The following CLHC1 variants were observed in gnomAD, a reference collection of about 807,000 sequenced individuals.
CLHC1 encodes the protein clathrin heavy chain linker domain containing 1.
A neutral mutation model predicts 69.5 loss-of-function variants in CLHC1; 72 were observed. The observed-to-expected ratio is 1.04, with a 90% CI of 0.86 to 1.26. The LOEUF (loss-of-function observed/expected upper bound fraction) is 1.26. Ranked by LOEUF, CLHC1 falls within the 50% of genes most tolerant of loss-of-function variation. The probability of loss-of-function intolerance (pLI) is 0.00; values close to 1 mark genes in which losing one functional copy is unlikely to be tolerated. For synonymous variants in CLHC1, 223 were observed against 224.3 expected (o/e 0.99, Z 0.05); for missense variants, 790 against 679.3 (o/e 1.16, Z -1.81).
intron 9 of CLHC1, among the ~76,000 whole-genome samples, chr2:55,194,957 G>A (rs190947352): frequency 6.0e-5 from 9 of 150,618 alleles, no homozygotes; most frequent in East Asian, 3.9e-4. Context: ...TCATTCTGTC[G>A]CCAGTCTGGA....
rs1465414581 is a variant in CLHC1 at position 55,229,934 on chromosome 2, G to A, written c.-255-1730C>T. On this transcript the variant is annotated intron_variant, in intron 1 of 12. Coordinates refer to ENST00000401408, the MANE Select transcript of CLHC1 (RefSeq NM_152385.4). ...GCTAAAAATACAAAATTAGCTGGGC[G>A]TGGTGGCGCATGCCTGTAATCCCAG... 7.9e-5 allele frequency among the ~76,000 whole-genome samples: 12 copies of A among 152,280 alleles called. No homozygotes were observed. The South Asian group carries it at 2.1e-3, about 26-fold the overall frequency.
chr2:55,193,360 C>A (rs1405440792), intron 9 of CLHC1, among the ~76,000 whole-genome samples: 1 of 151,534 alleles, frequency 6.6e-6, no homozygotes, highest in Non-Finnish European at 1.5e-5. Flanking sequence ...GAAAAGACAA[C>A]CCACAGTTGG....
chr2:55,203,739 A>G (rs907269266), intron 9 of CLHC1, among the ~76,000 whole-genome samples: 14 of 152,230 alleles, frequency 9.2e-5, no homozygotes, highest in African/African-American at 3.4e-4. Flanking sequence ...TCTCCAGGAC[A>G]TTGGTCTCGG....
chr2:55,229,275 G>A (rs1161042083), intron 1 of CLHC1, among the ~76,000 whole-genome samples: 1 of 152,004 alleles, frequency 6.6e-6, no homozygotes, highest in Non-Finnish European at 1.5e-5. Flanking sequence ...TAAGGAAGGT[G>A]GGAGGATACC....
At chr2:55,202,697 G>A (rs142841060) in intron 9 of CLHC1, among the ~76,000 whole-genome samples, 1 of 152,020 alleles carries the variant, frequency 6.6e-6, no homozygotes, top group African/African-American at 2.4e-5. Context: ...AGGAGTTCAA[G>A]ACCAGACTGG....
Position 55,212,930 on chromosome 2 carries a change from T to C in CLHC1, c.366-124A>G, listed in dbSNP as rs1322316933. On this transcript the variant is annotated intron_variant, in intron 4 of 12. Coordinates refer to ENST00000401408, the MANE Select transcript of CLHC1 (RefSeq NM_152385.4). ...CCATTATGGACTAGGTGAAATGCCC[T>C]GAAAAAGTTATCTAGCCTCACAAAT... The C allele has an allele frequency of 5.7e-6, 4 of 698,390 alleles. No homozygotes were observed. The African/African-American group carries it at 7.2e-5, about 13-fold the overall frequency. 43.3% of individuals were successfully genotyped at this position (698,390 alleles called of 1,614,324 possible).
chr2:55,198,872 T>G (rs1380049802), intron 9 of CLHC1, among the ~76,000 whole-genome samples: 1 of 151,724 alleles, frequency 6.6e-6, no homozygotes, highest in Non-Finnish European at 1.5e-5. Context: ...TTTAAAATGT[T>G]GAAGAAAAAA....
intron 5 of CLHC1, among the ~76,000 whole-genome samples, chr2:55,210,256 G>A (rs987379651): frequency 3.6e-4 from 54 of 151,818 alleles, no homozygotes; most frequent in Admixed American, 2.6e-4. Flanking sequence ...GAGTGCAGTG[G>A]TGCAATCTCA....
chr2:55,210,576 T>A (rs1047489564), intron 5 of CLHC1, among the ~76,000 whole-genome samples: 5 of 152,070 alleles, frequency 3.3e-5, no homozygotes, highest in Non-Finnish European at 5.9e-5. Context: ...TGAAAAAAAA[T>A]TTTTTAGTGA....
intron 11 of CLHC1, among the ~76,000 whole-genome samples, chr2:55,179,327 T>C (rs1302560306): frequency 6.6e-6 from 1 of 151,992 alleles, no homozygotes; most frequent in East Asian, 1.9e-4. Context: ...ATCTATAAAA[T>C]GGGACAATAA....
chr2:55,195,572 C>A (rs1295340677), intron 9 of CLHC1, among the ~76,000 whole-genome samples: 1 of 152,148 alleles, frequency 6.6e-6, no homozygotes, highest in Non-Finnish European at 1.5e-5. Context: ...GAGGCCAAGG[C>A]AGGCAGATCA....
intron 2 of CLHC1, chr2:55,224,360 TG>T: frequency 2.2e-6 from 1 of 445,590 alleles, no homozygotes. Flanking sequence ...TCCTGCTACT[TG>T]GGGCAGAAGC....
chr2:55,191,921 G>C (rs1158998155), intron 9 of CLHC1, among the ~76,000 whole-genome samples: 3 of 152,134 alleles, frequency 2.0e-5, no homozygotes, highest in African/African-American at 7.2e-5. Context: ...AGGATCCCTT[G>C]AGTCCAGAAG....
intron 9 of CLHC1, among the ~76,000 whole-genome samples, chr2:55,187,712 C>T (rs1270595456): frequency 1.3e-5 from 2 of 151,678 alleles, no homozygotes; most frequent in Non-Finnish European, 2.9e-5. Flanking sequence ...AACAGCAAAA[C>T]GATGATATTT....
At chr2:55,221,004 C>T (rs570032331) in intron 3 of CLHC1, among the ~76,000 whole-genome samples, 7 of 152,240 alleles carry the variant, frequency 4.6e-5, no homozygotes, top group Admixed American at 1.3e-4. Flanking sequence ...CCTATGAATA[C>T]GTATCAACTT....
At chr2:55,210,135 C>T (rs1461987908) in intron 5 of CLHC1, among the ~76,000 whole-genome samples, 1 of 152,148 alleles carries the variant, frequency 6.6e-6, no homozygotes, top group Non-Finnish European at 1.5e-5. Flanking sequence ...GCTGGGATTA[C>T]AGGCGTGAGC....
At chr2:55,195,849 A>G (rs1671362908) in intron 9 of CLHC1, among the ~76,000 whole-genome samples, 1 of 152,094 alleles carries the variant, frequency 6.6e-6, no homozygotes, top group Admixed American at 6.6e-5. Context: ...AAAACTACCT[A>G]CACAAAAAAG....
chr2:55,172,847 A>C lies in CLHC1; in HGVS notation c.*2943T>G, dbSNP rs1454128694. On this transcript the variant is annotated 3_prime_UTR_variant, in exon 13 of 13. Transcript: ENST00000401408. The stretch of plus-strand genomic sequence containing the variant: ...TAATTTAATGGTCATTTCTTAGTTA[A>C]TTCAGGATTTAGGAAAAGTTCTAAA... 6.6e-6 allele frequency among the ~76,000 whole-genome samples: 1 copy of C among 152,190 alleles called. No homozygotes were observed. The highest frequency in any genetic ancestry group is 1.5e-5 in the Non-Finnish European group (1 of 68,032).
rs545184421 is a variant in CLHC1, at chr2:55,173,213, T to C, written c.*2577A>G. Among the ~76,000 whole-genome samples the C allele has an allele frequency of 2.6e-5, 4 of 152,356 alleles. No homozygotes were observed. The highest frequency in any genetic ancestry group is 6.8e-3 in the Middle Eastern group (2 of 294). On this transcript the variant is annotated 3_prime_UTR_variant, in exon 13 of 13. Coordinates refer to ENST00000401408, the MANE Select transcript of CLHC1 (RefSeq NM_152385.4). ...AGAACACATGAACGTTGGTTAAATC[T>C]TCATTGGAACAATTCAAATGTTAAA...
Sources: allele counts gnomAD v4.1 joint callset (sites outside exome capture counted in the v4.1 genomes callset), GRCh38; gene constraint gnomAD v4.1.1; transcripts MANE v1.5; gene names NCBI Gene and HGNC (gene_info 2026-07-23, HGNC 2026-07-21).